OR7E24: variants seen among roughly 807,000 people sequenced by gnomAD.
OR7E24 encodes olfactory receptor family 7 subfamily E member 24.
For synonymous variants in OR7E24, 130 were observed against 157.5 expected (o/e 0.83, Z 1.31); for missense variants, 385 against 410.3 (o/e 0.94, Z 0.53).
the OR7E24 span, among the ~76,000 whole-genome samples, chr19:9,227,753 T>C: frequency 5.0e-5 from 7 of 140,196 alleles, no homozygotes; most frequent in African/African-American, 1.6e-4. Flanking sequence ...GTATTTCTTT[T>C]TTTTTTTTTT....
the OR7E24 span, among the ~76,000 whole-genome samples, chr19:9,227,237 C>CTT: frequency 1.1e-4 from 16 of 145,368 alleles, no homozygotes; most frequent in Admixed American, 1.4e-4. Context: ...CATTCTTTCT[C>CTT]TTTTTTTTTT....
the OR7E24 span, chr19:9,210,477 G>A: frequency 1.3e-5 from 2 of 152,388 alleles, no homozygotes; most frequent in African/African-American, 4.8e-5. Flanking sequence ...ACCTGGACAT[G>A]GTGGCGCAGG....
the OR7E24 span, among the ~76,000 whole-genome samples, chr19:9,220,278 T>C: frequency 6.6e-6 from 1 of 152,208 alleles, no homozygotes; most frequent in South Asian, 2.1e-4. Flanking sequence ...AATAGATCTC[T>C]TGAACTTACT....
upstream of OR7E24, among the ~76,000 whole-genome samples, chr19:9,245,791 C>G (rs964461285): frequency 6.6e-6 from 1 of 152,078 alleles, no homozygotes; most frequent in Non-Finnish European, 1.5e-5. Flanking sequence ...ATCACGAAAA[C>G]GAGTTGACCT....
At chr19:9,248,732 G>A (rs2066137299), upstream of OR7E24, among the ~76,000 whole-genome samples, 1 of 152,220 alleles carries the variant, frequency 6.6e-6, no homozygotes, top group African/African-American at 2.4e-5. Flanking sequence ...CCTCAAAGGA[G>A]AAATAAAATC....
the OR7E24 span, among the ~76,000 whole-genome samples, chr19:9,238,182 G>A: frequency 1.3e-5 from 2 of 152,162 alleles, no homozygotes; most frequent in African/African-American, 4.8e-5. Context: ...GCAGAGGCAC[G>A]AGAATGCTTG....
upstream of OR7E24, among the ~76,000 whole-genome samples, chr19:9,249,030 A>G (rs2066138012): frequency 6.6e-6 from 1 of 152,176 alleles, no homozygotes; most frequent in Non-Finnish European, 1.5e-5. Flanking sequence ...GATTAAACAG[A>G]CCGTGTGTGC....
chr19:9,245,856 A>C (rs934952302), upstream of OR7E24, among the ~76,000 whole-genome samples: 4 of 152,024 alleles, frequency 2.6e-5, no homozygotes, highest in Admixed American at 2.0e-4. Flanking sequence ...GCCTCATGCC[A>C]AACAACTCAT....
the OR7E24 span, among the ~76,000 whole-genome samples, chr19:9,219,753 T>A: frequency 6.6e-6 from 1 of 152,206 alleles, no homozygotes; most frequent in Non-Finnish European, 1.5e-5. Flanking sequence ...TTTGGCTCCC[T>A]TTGAGTAGTA....
At chr19:9,219,051 G>T in the OR7E24 span, 3 of 152,126 alleles carry the variant, frequency 2.0e-5, no homozygotes, top group East Asian at 5.8e-4. Flanking sequence ...ATAACAGCTA[G>T]TAAGTGCTGT....
chr19:9,236,999 G>T, the OR7E24 span, among the ~76,000 whole-genome samples: 3 of 152,128 alleles, frequency 2.0e-5, no homozygotes, highest in Admixed American at 2.0e-4. Context: ...ATTGAGTTGA[G>T]GTCGGCTATA....
At chr19:9,225,478 G>T in the OR7E24 span, among the ~76,000 whole-genome samples, 412 of 150,920 alleles carry the variant, frequency 2.7e-3, 3 homozygotes, top group African/African-American at 9.8e-3. Flanking sequence ...AGGAAGGAAG[G>T]AAAGAAGGAA....
the OR7E24 span, chr19:9,235,315 C>A: frequency 1.6e-6 from 2 of 1,257,586 alleles, no homozygotes; most frequent in Non-Finnish European, 2.3e-6. Flanking sequence ...CCTCCACAGC[C>A]CCATGTAATT....
the OR7E24 span, among the ~76,000 whole-genome samples, chr19:9,225,725 T>C: frequency 2.0e-5 from 3 of 152,192 alleles, no homozygotes; most frequent in African/African-American, 7.2e-5. Flanking sequence ...TTTATCCAAA[T>C]GGCTGAAGGA....
the OR7E24 span, among the ~76,000 whole-genome samples, chr19:9,225,262 C>T: frequency 8.6e-5 from 13 of 151,638 alleles, no homozygotes; most frequent in Non-Finnish European, 1.6e-4. Flanking sequence ...CCCAGCTACT[C>T]GGGAGGCTGA....
chr19:9,225,995 C>T, the OR7E24 span, among the ~76,000 whole-genome samples: 82 of 152,338 alleles, frequency 5.4e-4, no homozygotes, highest in African/African-American at 1.6e-3. Context: ...GCTCCCATCA[C>T]GGCTAGAACA....
the OR7E24 span, among the ~76,000 whole-genome samples, chr19:9,222,098 T>C: frequency 2.0e-5 from 3 of 152,254 alleles, no homozygotes; most frequent in East Asian, 5.8e-4. Context: ...TGTGAGTCTT[T>C]GGCACCTTTG....
At chr19:9,211,872 T>G in the OR7E24 span, 1 of 150,574 alleles carries the variant, frequency 6.6e-6, no homozygotes. Flanking sequence ...TTTGCAGATA[T>G]GACTCCCATT....
chr19:9,237,996 G>A, the OR7E24 span, among the ~76,000 whole-genome samples: 2 of 152,192 alleles, frequency 1.3e-5, no homozygotes, highest in South Asian at 4.1e-4. Context: ...ACTGTAGCCA[G>A]CCAGGTGTGG....
Sources: gnomAD v4.1 joint callset for allele counts (sites outside exome capture counted in the v4.1 genomes callset) on GRCh38, gnomAD v4.1.1 for gene constraint, MANE v1.5 for transcripts, NCBI Gene and HGNC (gene_info 2026-07-23, HGNC 2026-07-21) for gene names.